FAM124B: variants seen among roughly 807,000 people sequenced by gnomAD.
FAM124B encodes the protein protein FAM124B.
In FAM124B, 18 loss-of-function variants were observed where a neutral mutation model predicts 19.7. That is an observed-to-expected ratio of 0.92 (90% CI 0.63 to 1.36). FAM124B has a LOEUF of 1.36. Ranked by LOEUF, FAM124B falls within the 40% of genes most tolerant of loss-of-function variation. FAM124B has a pLI of 0.00. For missense variants in FAM124B, 540 were observed against 553.3 expected (o/e 0.98, Z 0.24); for synonymous variants, 223 against 225.2 (o/e 0.99, Z 0.09).
At chr2:224,382,160 A>G (rs1689731919) in intron 1 of FAM124B, among the ~76,000 whole-genome samples, 1 of 152,206 alleles carries the variant, frequency 6.6e-6, no homozygotes, top group African/African-American at 2.4e-5. Flanking sequence ...CCAGACAGTA[A>G]ATATCTGAGG....
intron 1 of FAM124B, among the ~76,000 whole-genome samples, chr2:224,392,989 A>G (rs763537883): frequency 1.3e-5 from 2 of 152,238 alleles, no homozygotes; most frequent in Non-Finnish European, 2.9e-5. Context: ...CAGTAGCCAC[A>G]TGTGGCGAAT....
chr2:224,380,619 G>A (rs192531541), intron 1 of FAM124B, among the ~76,000 whole-genome samples: 3 of 152,316 alleles, frequency 2.0e-5, no homozygotes, highest in Non-Finnish European at 4.4e-5. Context: ...TGTGGTTAAA[G>A]TTAAGATAAG....
chr2:224,381,851 A>C (rs1689723888), intron 1 of FAM124B, among the ~76,000 whole-genome samples: 1 of 152,198 alleles, frequency 6.6e-6, no homozygotes, highest in African/African-American at 2.4e-5. Context: ...GCTGTAAAAA[A>C]TAAGGTCTAT....
Position 224,380,205 on chromosome 2 carries a change from G to A in FAM124B, c.736C>T (p.Gln246Ter). Residue 246 changes from glutamine (Q) to a stop codon, truncating the protein, a stop_gained, in exon 2 of 2, where the codon CAG becomes TAG. Coordinates refer to ENST00000409685, the MANE Select transcript of FAM124B (RefSeq NM_001122779.2). LOFTEE classifies it low-confidence loss of function (END_TRUNC). ...TTAACACCAAGTTCTGGATTCAGCT[G>A]AACCTACAGGAAAGGAAAGGAGGAA... The part of the protein sequence containing the change: ...YDGNKILLQV[Q>*]LNPELGVKNG... 1.3e-6 allele frequency: 2 copies of A among 1,536,326 alleles called. No homozygotes were observed. Among genetic ancestry groups the A allele is most frequent in the South Asian group, 1.2e-5 (1 of 82,866 alleles).
At chr2:224,385,636 A>G in intron 1 of FAM124B, among the ~76,000 whole-genome samples, 1 of 152,006 alleles carries the variant, frequency 6.6e-6, no homozygotes, top group East Asian at 1.9e-4. Context: ...CTAGCCACCA[A>G]TCCCTCAAAA....
At chr2:224,392,512 T>C (rs1689903859) in intron 1 of FAM124B, among the ~76,000 whole-genome samples, 1 of 152,024 alleles carries the variant, frequency 6.6e-6, no homozygotes, top group Non-Finnish European at 1.5e-5. Context: ...CCCAGCACTT[T>C]AGGATGCTGA....
rs1486508473 is a variant in FAM124B, at chr2:224,401,063, A to T, written c.706T>A (p.Tyr236Asn). The change falls in exon 1 of 2, where the codon TAC becomes AAC. Residue 236 changes from tyrosine to asparagine, a missense_variant. Transcript: ENST00000409685. Reference protein sequence around the residue: ...ISSTRWQTQDYDGNKILLQVQ... With the variant: ...ISSTRWQTQDNDGNKILLQVQ... ...TGAAGCAGAATCTTGTTGCCATCGTAGTCCTGAGTCTGCCACCTGGTGCTG... is the reference window on the plus strand; with the variant it reads ...TGAAGCAGAATCTTGTTGCCATCGTTGTCCTGAGTCTGCCACCTGGTGCTG... 1.9e-6 allele frequency: 3 copies of T among 1,607,222 alleles called. No individual in the cohort carries two copies. Among genetic ancestry groups the T allele is most frequent in the Middle Eastern group, 1.7e-4 (1 of 6,026 alleles).
chr2:224,389,544 G>GA (rs1215404628), intron 1 of FAM124B, among the ~76,000 whole-genome samples: 5 of 152,024 alleles, frequency 3.3e-5, no homozygotes, highest in Non-Finnish European at 5.9e-5. Context: ...GGGGTTCTGA[G>GA]AAAAAAGGAG....
chr2:224,390,790 T>C (rs541471424), intron 1 of FAM124B, among the ~76,000 whole-genome samples: 283 of 149,818 alleles, frequency 1.9e-3, no homozygotes, highest in African/African-American at 6.6e-3. Context: ...AACCTCCACC[T>C]CCCGGGTTCA....
At chr2:224,382,638 A>T (rs1031033781) in intron 1 of FAM124B, among the ~76,000 whole-genome samples, 1 of 152,072 alleles carries the variant, frequency 6.6e-6, no homozygotes, top group Admixed American at 6.5e-5. Flanking sequence ...CAAACTCCCA[A>T]CCTAAGGTGA....
intron 1 of FAM124B, among the ~76,000 whole-genome samples, chr2:224,395,516 C>A (rs1281783136): frequency 6.6e-6 from 1 of 152,168 alleles, no homozygotes; most frequent in Non-Finnish European, 1.5e-5. Flanking sequence ...GGGAGAAAAG[C>A]AGAGGGACTG....
intron 1 of FAM124B, among the ~76,000 whole-genome samples, chr2:224,390,499 G>C (rs1689863035): frequency 6.6e-6 from 1 of 151,948 alleles, no homozygotes; most frequent in Non-Finnish European, 1.5e-5. Flanking sequence ...GAGATGACGA[G>C]GGCCTCTGGT....
chr2:224,389,664 G>C (rs1022723115), intron 1 of FAM124B, among the ~76,000 whole-genome samples: 6 of 152,120 alleles, frequency 3.9e-5, no homozygotes, highest in Non-Finnish European at 8.8e-5. Flanking sequence ...ACTTGGTTTT[G>C]CCTGGATTGA....
chr2:224,385,082 C>T (rs1416565245), intron 1 of FAM124B, among the ~76,000 whole-genome samples: 1 of 152,060 alleles, frequency 6.6e-6, no homozygotes, highest in Non-Finnish European at 1.5e-5. Context: ...TGTTTTTCTA[C>T]AAACCTCCCC....
chr2:224,384,708 A>C (rs1689774766), intron 1 of FAM124B, among the ~76,000 whole-genome samples: 1 of 152,198 alleles, frequency 6.6e-6, no homozygotes. Context: ...CATCCAGATT[A>C]TCAAGGAAGC....
Position 224,379,632 on chromosome 2 carries a change from G to A in FAM124B, c.1309C>T (p.Leu437Phe), listed in dbSNP as rs552892721. 2.6e-5 allele frequency: 40 copies of A among 1,551,282 alleles called. 1 individual carries two copies. The South Asian group carries it at 4.4e-4, about 17-fold the overall frequency. Reference protein sequence around the residue: ...GTRKTISECLLHLQVQGEEKE... With the variant: ...GTRKTISECLFHLQVQGEEKE... ...TCTTCACCCTGAACTTGCAGATGAA[G>A]GAGACATTCTGAAATTGTCTTCCTG... is the stretch of plus-strand genomic sequence containing the variant. Residue 437 changes from leucine to phenylalanine, a missense_variant, in exon 2 of 2, where the codon CTT becomes TTT. Coordinates refer to ENST00000409685, the MANE Select transcript of FAM124B (RefSeq NM_001122779.2).
rs1690081568 is a variant in FAM124B at position 224,401,887 on chromosome 2, G to A, written c.-119C>T. The A allele has an allele frequency of 8.2e-7, 1 of 1,217,790 alleles. No individual in the cohort carries two copies. Among genetic ancestry groups the A allele is most frequent in the Non-Finnish European group, 1.1e-6 (1 of 879,504 alleles). The allele number at this position is 1,217,790 out of a possible 1,614,324, so 75.4% of individuals were successfully genotyped here. ...CCGCCTGAAAACCTTCAGCTGCAGC[G>A]GCTACTTCTGAGCAGAGCTCTTAAC... On this transcript the variant is annotated 5_prime_UTR_variant, in exon 1 of 2. Coordinates refer to ENST00000409685, the MANE Select transcript of FAM124B (RefSeq NM_001122779.2).
intron 1 of FAM124B, among the ~76,000 whole-genome samples, chr2:224,383,590 T>C (rs1689758246): frequency 6.6e-6 from 1 of 152,114 alleles, no homozygotes. Flanking sequence ...TACAAATGTA[T>C]AAAATAAAAA....
chr2:224,382,842 A>G (rs913040529), intron 1 of FAM124B, among the ~76,000 whole-genome samples: 4 of 152,166 alleles, frequency 2.6e-5, no homozygotes, highest in African/African-American at 9.7e-5. Context: ...AGGGCTTCAC[A>G]GAACCAGCTT....
Sources: gnomAD v4.1 joint callset for allele counts (sites outside exome capture counted in the v4.1 genomes callset) on GRCh38, gnomAD v4.1.1 for gene constraint, MANE v1.5 for transcripts, NCBI Gene and HGNC (gene_info 2026-07-23, HGNC 2026-07-21) for gene names.